SCYL3: variants seen among roughly 807,000 people sequenced by gnomAD.
SCYL3 encodes protein-associating with the carboxyl-terminal domain of ezrin.
In SCYL3, 35 loss-of-function variants were observed where a neutral mutation model predicts 73.8. The ratio of observed to expected loss-of-function variants is 0.47; its 90% CI spans 0.36 to 0.63. SCYL3 has a LOEUF of 0.63. Among genes scored for constraint, SCYL3 ranks in the 20% least tolerant of loss-of-function variants. The pLI, the probability that SCYL3 is intolerant of heterozygous loss-of-function variation, is 0.00. For synonymous variants in SCYL3, 277 were observed against 295.2 expected (o/e 0.94, Z 0.63); for missense variants, 712 against 798.9 (o/e 0.89, Z 1.31).
chr1:169,873,131 T>C (rs1293157695), intron 5 of SCYL3, among the ~76,000 whole-genome samples: 1 of 152,168 alleles, frequency 6.6e-6, no homozygotes, highest in Admixed American at 6.6e-5. Context: ...ACAATTCCCA[T>C]GTGTCATGGG....
chr1:169,849,632 G>T lies in SCYL3; in HGVS notation c.*4081C>A. ...AATTATAAAACTGATTTATCACAGTGACTTTCAAACCATTTTAATATTTCA... is the reference window on the plus strand; with the variant it reads ...AATTATAAAACTGATTTATCACAGTTACTTTCAAACCATTTTAATATTTCA... On this transcript the variant is annotated 3_prime_UTR_variant, in exon 13 of 13. Coordinates refer to ENST00000367771, the MANE Select transcript of SCYL3 (RefSeq NM_020423.7). The T allele has an allele frequency of 6.7e-7, 1 of 1,500,736 alleles. No individual in the cohort carries two copies. Among genetic ancestry groups the T allele is most frequent in the South Asian group, 1.1e-5 (1 of 87,730 alleles). The allele number at this position is 1,500,736 out of a possible 1,614,324, so 93.0% of individuals were successfully genotyped here.
chr1:169,855,025 G>C (rs1316693331), intron 11 of SCYL3, 61 bp from the exon 12 acceptor site: 15 of 1,222,838 alleles, frequency 1.2e-5, no homozygotes, highest in Admixed American at 6.8e-5. Context: ...ACACTTATGG[G>C]AAGGATAGCA....
chr1:169,868,031 TAAAA>T (rs1328998300), intron 7 of SCYL3, among the ~76,000 whole-genome samples: 2 of 152,216 alleles, frequency 1.3e-5, no homozygotes, highest in Admixed American at 6.5e-5. Context: ...ATTTGTCAAT[TAAAA>T]ATACAAATTT....
chr1:169,859,336 T>C, intron 10 of SCYL3, 124 bp from the exon 11 acceptor site: 1 of 911,280 alleles, frequency 1.1e-6, no homozygotes, highest in East Asian at 2.9e-5. Flanking sequence ...TAGATATGTG[T>C]TCCAGGTCAG....
chr1:169,869,382 T>C lies in SCYL3; in HGVS notation c.626-343A>G, dbSNP rs191952400. 3.8e-3 allele frequency among the ~76,000 whole-genome samples: 574 copies of C among 152,350 alleles called. 3 individuals are homozygous for C. The highest frequency in any genetic ancestry group is 5.9e-3 in the Non-Finnish European group (404 of 68,028). ...GGGTTCCTCATCCACAGAACAGTTA[T>C]ATGAATGATTATATTTACAATTCTT... On this transcript the variant is annotated intron_variant, in intron 6 of 12. Transcript: ENST00000367771.
Position 169,851,630 on chromosome 1 carries a change from T to G in SCYL3, c.*2083A>C. ...AAGACAACTCTATAACTAACTATTTTGTAAGGAAGAACACAGTAGAGTGAT... is the reference window on the plus strand; with the variant it reads ...AAGACAACTCTATAACTAACTATTTGGTAAGGAAGAACACAGTAGAGTGAT... On this transcript the variant is annotated 3_prime_UTR_variant, in exon 13 of 13. Transcript: ENST00000367771. The G allele has an allele frequency of 1.5e-6, 1 of 684,998 alleles. No individual in the cohort carries two copies. The highest frequency in any genetic ancestry group is 2.4e-6 in the Non-Finnish European group (1 of 419,210). 42.4% of individuals were successfully genotyped at this position (684,998 alleles called of 1,614,324 possible). A position where few individuals can be genotyped will look rare whatever the true frequency, so the allele number is the denominator to read the frequency against.
chr1:169,866,756 C>A, intron 8 of SCYL3, 140 bp downstream of exon 8: 1 of 612,024 alleles, frequency 1.6e-6, no homozygotes. Flanking sequence ...CAGGGCCTAG[C>A]AGAAAGCCTG....
rs190995765 is a variant in SCYL3 at position 169,882,144 on chromosome 1, G to A, written c.166-3325C>T. ...GCGAGCGGGAACTGGGGCTGCCCAC[G>A]CAGCTTGTGGGCCAGCTGGAGTTCT... On this transcript the variant is annotated intron_variant, in intron 2 of 12. Transcript: ENST00000367771. Among the ~76,000 whole-genome samples the A allele has an allele frequency of 5.5e-3, 841 of 152,350 alleles. 4 individuals are homozygous for A. The highest frequency in any genetic ancestry group is 0.017 in the Middle Eastern group (5 of 294).
At chr1:169,874,100 G>A (rs1660624591) in intron 4 of SCYL3, among the ~76,000 whole-genome samples, 1 of 151,868 alleles carries the variant, frequency 6.6e-6, no homozygotes, top group Non-Finnish European at 1.5e-5. Flanking sequence ...CAATAAGAAG[G>A]CTTTTCTAGC....
intron 9 of SCYL3, among the ~76,000 whole-genome samples, chr1:169,863,032 C>T (rs1659777921): frequency 1.3e-5 from 2 of 152,220 alleles, no homozygotes; most frequent in Non-Finnish European, 2.9e-5. Flanking sequence ...CCTGCCTCAG[C>T]CTCCCGAGTA....
chr1:169,875,874 A>G lies in SCYL3; in HGVS notation c.465+104T>C, dbSNP rs193282520. The G allele has an allele frequency of 4.7e-4, 265 of 569,356 alleles. No individual in the cohort carries two copies. The African/African-American group carries it at 4.7e-3, about 10-fold the overall frequency. The allele number at this position is 569,356 out of a possible 1,614,324, so 35.3% of individuals were successfully genotyped here. On this transcript the variant is annotated intron_variant, in intron 4 of 12. Transcript: ENST00000367771. ...CACTGACAAAAAATTCAAGTCTCCAAATCTAAGACCAAGCTAACACTGAAG... is the reference window on the plus strand; with the variant it reads ...CACTGACAAAAAATTCAAGTCTCCAGATCTAAGACCAAGCTAACACTGAAG...
Position 169,854,817 on chromosome 1 carries a change from T to C in SCYL3, c.1460A>G (p.Gln487Arg). The C allele has an allele frequency of 1.2e-6, 2 of 1,614,082 alleles. No individual in the cohort carries two copies. The highest frequency in any genetic ancestry group is 2.2e-5 in the East Asian group (1 of 44,880). ...DWSEPEEPENQTVNIQIWPRE... is the reference protein window; with the variant it reads ...DWSEPEEPENRTVNIQIWPRE... Reference sequence around the variant, plus strand: ...AGGCCAAATCTGTATGTTGACAGTTTGATTTTCAGGCTCCTCAGGTTCACT... The same window carrying C: ...AGGCCAAATCTGTATGTTGACAGTTCGATTTTCAGGCTCCTCAGGTTCACT... Residue 487 changes from glutamine to arginine, a missense_variant, in exon 12 of 13, where the codon CAA (glutamine) becomes CGA (arginine). By Grantham distance (43) the Gln-to-Arg change is conservative. Coordinates refer to ENST00000367771, the MANE Select transcript of SCYL3 (RefSeq NM_020423.7).
At chr1:169,854,155 G>GA (rs2102123144) in intron 12 of SCYL3, 115 bp downstream of exon 12, 1 of 753,032 alleles carries the variant, frequency 1.3e-6, no homozygotes, top group Non-Finnish European at 2.1e-6. Context: ...TTAATTTTGT[G>GA]CTTGACTTGA....
intron 4 of SCYL3, among the ~76,000 whole-genome samples, chr1:169,875,325 G>GC (rs1404424249): frequency 1.3e-5 from 2 of 152,174 alleles, no homozygotes; most frequent in Non-Finnish European, 2.9e-5. Flanking sequence ...GAATGCAGCA[G>GC]CAACACGCAA....
chr1:169,870,445 A>G, intron 5 of SCYL3, 88 bp from the exon 6 acceptor site: 1 of 805,802 alleles, frequency 1.2e-6, no homozygotes. Context: ...CCATGTTTGT[A>G]TTTATTATAC....
chr1:169,854,037 T>TTTTC (rs1658828671), intron 12 of SCYL3: 2 of 559,230 alleles, frequency 3.6e-6, no homozygotes, highest in South Asian at 5.4e-5. Flanking sequence ...AATCCCTTTT[T>TTTTC]TTTCTTTTTC....
rs756980397 is a variant in SCYL3 at position 169,859,078 on chromosome 1, G to T, written c.1275C>A (p.Ala425=). ...GERTKIFKRT[A]PSFTKNTDLS... ...GGTCAGTATTTTTAGTAAAACTTGG[G>T]GCAGTGCGTTTGAAGATCTTGGTTC... Residue 425 remains alanine, a synonymous_variant, in exon 11 of 13, where the codon GCC becomes GCA. Transcript: ENST00000367771. 6.2e-7 allele frequency: 1 copy of T among 1,613,800 alleles called. No homozygotes were observed. The highest frequency in any genetic ancestry group is 8.5e-7 in the Non-Finnish European group (1 of 1,179,924).
At chr1:169,870,215 C>T in intron 6 of SCYL3, 40 bp downstream of exon 6, 1 of 1,352,890 alleles carries the variant, frequency 7.4e-7, no homozygotes, top group Admixed American at 1.9e-5. Flanking sequence ...GATGATTTTC[C>T]TACTTATTCT....
chr1:169,866,481 A>G (rs1171069763), intron 8 of SCYL3, among the ~76,000 whole-genome samples: 1 of 152,234 alleles, frequency 6.6e-6, no homozygotes, highest in Non-Finnish European at 1.5e-5. Context: ...TGCCACATGC[A>G]AGGTGTACCT....
Sources: gnomAD v4.1 joint callset for allele counts (sites outside exome capture counted in the v4.1 genomes callset) on GRCh38, gnomAD v4.1.1 for gene constraint, MANE v1.5 for transcripts, NCBI Gene and HGNC (gene_info 2026-07-23, HGNC 2026-07-21) for gene names.